SCEL: variants seen among roughly 807,000 people sequenced by gnomAD.
SCEL encodes sciellin.
A neutral mutation model predicts 117.6 loss-of-function variants in SCEL; 113 were observed. The observed-to-expected ratio is 0.96, with a 90% CI of 0.83 to 1.12. The LOEUF is 1.12. Among genes scored for constraint, SCEL ranks in the 50% most tolerant of loss-of-function variants. The pLI is 0.00. For missense variants in SCEL, 785 were observed against 810.8 expected (o/e 0.97, Z 0.39); for synonymous variants, 270 against 256.2 (o/e 1.05, Z -0.51).
Position 77,644,741 on chromosome 13 carries a change from C to A in SCEL, c.*467C>A, listed in dbSNP as rs1420845282. The A allele has an allele frequency of 1.3e-5, 2 of 153,180 alleles. No homozygotes were observed. Among genetic ancestry groups the A allele is most frequent in the African/African-American group, 2.4e-5 (1 of 41,454 alleles). 9.5% of individuals were successfully genotyped at this position (153,180 alleles called of 1,614,324 possible). A position where few individuals can be genotyped will look rare whatever the true frequency, so the allele number is the denominator to read the frequency against. ...ACAACAATTTTCTTATACAGTTTGG[C>A]AGAAAGATGTTAACATAAAAAGTTT... On this transcript the variant is annotated 3_prime_UTR_variant, in exon 33 of 33. Transcript: ENST00000349847.
intron 9 of SCEL, among the ~76,000 whole-genome samples, chr13:77,579,554 C>T (rs531115577): frequency 5.3e-5 from 8 of 152,220 alleles, no homozygotes; most frequent in Admixed American, 6.5e-5. Context: ...TGGGCTCTGC[C>T]AGGAGTACAA....
intron 1 of SCEL, among the ~76,000 whole-genome samples, chr13:77,541,713 T>C (rs2083713189): frequency 6.6e-6 from 1 of 152,244 alleles, no homozygotes; most frequent in Admixed American, 6.5e-5. Context: ...CTGATTTTTT[T>C]TTCCTTTCTT....
chr13:77,542,178 G>T (rs117812009), intron 1 of SCEL, among the ~76,000 whole-genome samples: 1 of 152,080 alleles, frequency 6.6e-6, no homozygotes, highest in Non-Finnish European at 1.5e-5. Flanking sequence ...CGAGGCAGGC[G>T]GATCACGAGG....
chr13:77,552,329 T>A (rs2084382335), intron 1 of SCEL, among the ~76,000 whole-genome samples: 2 of 151,756 alleles, frequency 1.3e-5, no homozygotes, highest in Non-Finnish European at 2.9e-5. Flanking sequence ...AAAGTGTTCC[T>A]ATTTCTCCAC....
chr13:77,612,676 A>G (rs558601619), intron 22 of SCEL, among the ~76,000 whole-genome samples: 1 of 151,886 alleles, frequency 6.6e-6, no homozygotes, highest in South Asian at 2.1e-4. Flanking sequence ...GGTTAACGTG[A>G]AAGAAACAAA....
At chr13:77,559,648 G>T (rs2084861897) in intron 3 of SCEL, among the ~76,000 whole-genome samples, 156 bp from the exon 4 acceptor site, 1 of 152,124 alleles carries the variant, frequency 6.6e-6, no homozygotes, top group Non-Finnish European at 1.5e-5. Context: ...GTGGTGACTG[G>T]TTAAAATAGA....
At chr13:77,552,496 T>C (rs2084392296) in intron 1 of SCEL, among the ~76,000 whole-genome samples, 2 of 151,664 alleles carry the variant, frequency 1.3e-5, no homozygotes, top group Admixed American at 6.6e-5. Context: ...ATGTCTTCTT[T>C]TGAGAAGTGT....
chr13:77,616,316 T>C (rs1268971505), intron 24 of SCEL, among the ~76,000 whole-genome samples: 7 of 152,042 alleles, frequency 4.6e-5, no homozygotes, highest in Non-Finnish European at 1.0e-4. Context: ...GAGCATACTG[T>C]CCACTCTACA....
chr13:77,537,035 A>G (rs1459101192), intron 1 of SCEL, among the ~76,000 whole-genome samples: 1 of 152,232 alleles, frequency 6.6e-6, no homozygotes, highest in East Asian at 1.9e-4. Flanking sequence ...AGCCTTCCTA[A>G]TATATGTGGT....
chr13:77,614,586 A>G (rs2088890340), intron 24 of SCEL, among the ~76,000 whole-genome samples: 3 of 152,182 alleles, frequency 2.0e-5, no homozygotes, highest in Admixed American at 1.3e-4. Flanking sequence ...GAATGGTTTT[A>G]CGATTTCCCC....
At chr13:77,622,998 G>T (rs1342409073) in intron 27 of SCEL, among the ~76,000 whole-genome samples, 2 of 152,104 alleles carry the variant, frequency 1.3e-5, no homozygotes, top group Admixed American at 6.5e-5. Flanking sequence ...AAAATTGTAA[G>T]GTCTGCCTGC....
chr13:77,643,949 T>A (rs1325256135), intron 32 of SCEL, among the ~76,000 whole-genome samples: 1 of 152,280 alleles, frequency 6.6e-6, no homozygotes, highest in East Asian at 1.9e-4. Context: ...GCTTAGTGGG[T>A]GTGATTACCA....
rs189380904 is a variant in SCEL at position 77,644,633 on chromosome 13, G to A, written c.*359G>A. The A allele has an allele frequency of 5.8e-6, 1 of 172,670 alleles. No homozygotes were observed. The highest frequency in any genetic ancestry group is 1.2e-5 in the Non-Finnish European group (1 of 81,974). 10.7% of individuals were successfully genotyped at this position (172,670 alleles called of 1,614,324 possible). A position where few individuals can be genotyped will look rare whatever the true frequency, so the allele number is the denominator to read the frequency against. ...CATTTCTTCACCTTTTTTTCTCTAAGAATTTGGATTCGTAGACATTGACAT... is the reference window on the plus strand; with the variant it reads ...CATTTCTTCACCTTTTTTTCTCTAAAAATTTGGATTCGTAGACATTGACAT... On this transcript the variant is annotated 3_prime_UTR_variant, in exon 33 of 33. Transcript: ENST00000349847.
intron 22 of SCEL, among the ~76,000 whole-genome samples, chr13:77,610,507 T>A (rs1397509024): frequency 6.6e-6 from 1 of 151,122 alleles, no homozygotes; most frequent in Non-Finnish European, 1.5e-5. Context: ...CAACCAATGA[T>A]GGGACCCAAA....
chr13:77,569,280 G>A (rs1020895907), intron 7 of SCEL, 91 bp from the exon 8 acceptor site: 2 of 956,302 alleles, frequency 2.1e-6, no homozygotes, highest in African/African-American at 3.2e-5. Flanking sequence ...AGAGCAGGCA[G>A]GAATATGAGT....
intron 5 of SCEL, among the ~76,000 whole-genome samples, chr13:77,567,382 G>T (rs747324637): frequency 6.6e-6 from 1 of 152,104 alleles, no homozygotes; most frequent in Non-Finnish European, 1.5e-5. Flanking sequence ...TGAACCCTGC[G>T]GGCAGAGGTT....
In SCEL at chr13:77,617,576, TTTAATA is replaced by T; in HGVS notation, c.1452-20_1452-15del. 6.8e-7 allele frequency: 1 copy of T among 1,478,128 alleles called. No homozygotes were observed. The highest frequency in any genetic ancestry group is 9.3e-7 in the Non-Finnish European group (1 of 1,071,634). The allele number at this position is 1,478,128 out of a possible 1,614,324, so 91.6% of individuals were successfully genotyped here. A position where few individuals can be genotyped will look rare whatever the true frequency, so the allele number is the denominator to read the frequency against. ...TGTGATTATCTCTAACCCAAGTTGC[TTTAATA>T]TTTTTTCCACTTAAAGAAAACAAGA... is the stretch of plus-strand genomic sequence containing the variant. On this transcript the variant is annotated splice_polypyrimidine_tract_variant and intron_variant, in intron 24 of 32. Coordinates refer to ENST00000349847, the MANE Select transcript of SCEL (RefSeq NM_144777.3).
intron 20 of SCEL, 83 bp downstream of exon 20, chr13:77,608,198 T>G: frequency 1.8e-6 from 2 of 1,093,308 alleles, no homozygotes; most frequent in Non-Finnish European, 2.7e-6. Context: ...TGAAAAACCT[T>G]TGGATTGGGA....
intron 27 of SCEL, among the ~76,000 whole-genome samples, chr13:77,626,113 C>T (rs1037964290): frequency 4.6e-5 from 7 of 152,124 alleles, no homozygotes; most frequent in Non-Finnish European, 8.8e-5. Context: ...TTTTACGTGG[C>T]TGGGGAGTCT....
Sources: gnomAD v4.1 joint callset for allele counts (sites outside exome capture counted in the v4.1 genomes callset) on GRCh38, gnomAD v4.1.1 for gene constraint, MANE v1.5 for transcripts, NCBI Gene and HGNC (gene_info 2026-07-23, HGNC 2026-07-21) for gene names.